Variants in C3orf22 observed in about 807,000 individuals in gnomAD.
C3orf22 encodes uncharacterized protein C3orf22.
A neutral mutation model predicts 10.8 loss-of-function variants in C3orf22; 7 were observed. The ratio of observed to expected loss-of-function variants is 0.65; its 90% CI spans 0.37 to 1.22. The LOEUF is 1.22. C3orf22 is among the 50% of genes most tolerant of loss of function. The pLI is 0.02. For missense variants in C3orf22, 173 were observed against 177.0 expected (o/e 0.98, Z 0.13); for synonymous variants, 79 against 78.9 (o/e 1.00, Z 0.00).
chr3:126,542,552 G>A, intron 4 of C3orf22: 1 of 1,514,110 alleles, frequency 6.6e-7, no homozygotes, highest in African/African-American at 1.4e-5. Context: ...CAACTACTCC[G>A]CCCCCTCCTA....
intron 4 of C3orf22, among the ~76,000 whole-genome samples, chr3:126,531,836 C>A (rs1459634907): frequency 1.3e-5 from 2 of 152,162 alleles, no homozygotes. Flanking sequence ...AGAGGAATTG[C>A]TGGGTTGCAT....
chr3:126,542,299 C>G, intron 4 of C3orf22: 1 of 1,565,924 alleles, frequency 6.4e-7, no homozygotes, highest in East Asian at 2.4e-5. Context: ...ACTGGGAGCG[C>G]GCGCACGCGC....
chr3:126,549,351 G>T (rs1244847108), downstream of C3orf22, among the ~76,000 whole-genome samples: 3 of 151,982 alleles, frequency 2.0e-5, no homozygotes, highest in Non-Finnish European at 4.4e-5. Context: ...AACAAAAATT[G>T]TAACAGACCT....
At chr3:126,541,864 G>A (rs751471294) in intron 4 of C3orf22, 1 of 1,593,178 alleles carries the variant, frequency 6.3e-7, no homozygotes, top group Non-Finnish European at 8.5e-7. Flanking sequence ...TGGACGACGC[G>A]CATGGCCTGC....
intron 4 of C3orf22, chr3:126,541,932 T>G (rs1039361311): frequency 6.3e-7 from 1 of 1,593,896 alleles, no homozygotes; most frequent in African/African-American, 1.4e-5. Context: ...CTGCTGGCGC[T>G]GAGCGGCCAA....
intron 4 of C3orf22, chr3:126,541,823 C>T (rs1936963331): frequency 6.4e-7 from 1 of 1,566,290 alleles, no homozygotes; most frequent in Non-Finnish European, 8.6e-7. Flanking sequence ...GCAGCGCCTG[C>T]TACAGCCGGA....
chr3:126,541,987 G>T lies in C3orf22; in HGVS notation c.286+7550C>A, dbSNP rs367830517. The T allele has an allele frequency of 3.0e-5, 47 of 1,563,824 alleles. No homozygotes were observed. In the African/African-American group the frequency reaches 5.3e-4, roughly 18 times the overall value. On this transcript the variant is annotated intron_variant and NMD_transcript_variant, in intron 4 of 5. Transcript: ENST00000505070. ...CCATCTCCGCGCAAGAGGCGCACGC[G>T]CCTGGCCGCCTGCCCTCACTGGCCG...
chr3:126,544,236 C>A (rs1199024807), intron 4 of C3orf22, among the ~76,000 whole-genome samples: 2 of 152,188 alleles, frequency 1.3e-5, no homozygotes, highest in Admixed American at 6.5e-5. Flanking sequence ...ACTCAGCCCC[C>A]TCACCACGTG....
rs185450185 is a variant in C3orf22, at chr3:126,529,700, G to A, written c.287-328C>T. 4.8e-3 allele frequency among the ~76,000 whole-genome samples: 736 copies of A among 152,126 alleles called. 5 individuals carry two copies. The highest frequency in any genetic ancestry group is 0.017 in the African/African-American group (712 of 41,500). ...CTTTCTCCCAGCCTCGGGCCCTGTC[G>A]TCCATCACTGTCTCCCTGTCTCTGT... On this transcript the variant is annotated intron_variant and NMD_transcript_variant, in intron 4 of 5. Transcript: ENST00000505070.
chr3:126,532,056 G>T (rs1020228874), intron 4 of C3orf22, among the ~76,000 whole-genome samples: 1 of 152,134 alleles, frequency 6.6e-6, no homozygotes, highest in African/African-American at 2.4e-5. Flanking sequence ...GCTTATTGCT[G>T]TAGGTATATC....
chr3:126,546,795 G>T (rs1299766864), downstream of C3orf22, among the ~76,000 whole-genome samples: 1 of 152,162 alleles, frequency 6.6e-6, no homozygotes, highest in African/African-American at 2.4e-5. Context: ...TTCCTTGTCT[G>T]GTTCCGTCCC....
chr3:126,551,821 G>A (rs1271128481), intron 3 of C3orf22, among the ~76,000 whole-genome samples, 176 bp downstream of exon 3: 1 of 152,254 alleles, frequency 6.6e-6, no homozygotes, highest in African/African-American at 2.4e-5. Flanking sequence ...ATGCTGCCTG[G>A]CTGTGGGAAC....
chr3:126,549,885 AC>A lies in C3orf22; in HGVS notation c.408del (p.Ser137ProfsTer27). On this transcript the variant is annotated frameshift_variant, in exon 4 of 4. Transcript: ENST00000318225. LOFTEE classifies it high-confidence loss of function. Reference sequence around the variant, plus strand: ...CCCAGTCTCTAGGAGAGGCCCCTGGACAGCCCTGCCGCCTTGCTGGTCTGGG... The same window carrying A: ...CCCAGTCTCTAGGAGAGGCCCCTGGAAGCCCTGCCGCCTTGCTGGTCTGGG... Reference protein sequence around the residue: ...ACPQTSKAAGLSRGLS With the variant: ...ACPQTSKAAGXSRGLS The A allele has an allele frequency of 6.2e-7, 1 of 1,613,336 alleles. No individual in the cohort carries two copies. The highest frequency in any genetic ancestry group is 8.5e-7 in the Non-Finnish European group (1 of 1,179,700).
At chr3:126,531,088 A>G (rs1936649241) in intron 4 of C3orf22, among the ~76,000 whole-genome samples, 1 of 152,278 alleles carries the variant, frequency 6.6e-6, no homozygotes, top group Non-Finnish European at 1.5e-5. Flanking sequence ...TATTCAGCAC[A>G]GACCATATTC....
At position 126,551,928 on chromosome 3, in the gene C3orf22, C is replaced by G. The variant is rs1937196436; in HGVS notation, c.215+69G>C. Reference sequence around the variant, plus strand: ...ATAACATGAACGTCTGCATGCAAAACTGGGGGACAGAAAGCCAGGCAGCAT... The same window carrying G: ...ATAACATGAACGTCTGCATGCAAAAGTGGGGGACAGAAAGCCAGGCAGCAT... On this transcript the variant is annotated intron_variant, in intron 3 of 3. Coordinates refer to ENST00000318225, the MANE Select transcript of C3orf22 (RefSeq NM_152533.3). The G allele has an allele frequency of 8.6e-6, 13 of 1,517,988 alleles. No homozygotes were observed. The South Asian group carries it at 1.5e-4, about 18-fold the overall frequency. 94.0% of individuals were successfully genotyped at this position (1,517,988 alleles called of 1,614,324 possible).
downstream of C3orf22, chr3:126,549,594 T>C: frequency 7.6e-7 from 1 of 1,322,662 alleles, no homozygotes; most frequent in Non-Finnish European, 1.0e-6. Flanking sequence ...CTCTTTTTAA[T>C]CCTCACACCA....
downstream of C3orf22, among the ~76,000 whole-genome samples, chr3:126,545,010 T>C (rs1480888206): frequency 6.6e-6 from 1 of 152,246 alleles, no homozygotes. Context: ...GTTTCCTCTC[T>C]GGCTGGTGCC....
At chr3:126,529,167 G>A (rs1936597175) in exon 5 of C3orf22, 2 of 547,852 alleles carry the variant, frequency 3.7e-6, no homozygotes, top group Non-Finnish European at 6.3e-6. Context: ...TGGCTGAGGT[G>A]GGTGTGCAGA....
At chr3:126,547,604 G>GCGAC (rs1937090631), downstream of C3orf22, among the ~76,000 whole-genome samples, 1 of 152,224 alleles carries the variant, frequency 6.6e-6, no homozygotes, top group South Asian at 2.1e-4. Context: ...CAGGCAGCCA[G>GCGAC]CGACCCCTCC....
Sources: gnomAD v4.1 joint callset for allele counts (sites outside exome capture counted in the v4.1 genomes callset) on GRCh38, gnomAD v4.1.1 for gene constraint, MANE v1.5 for transcripts, NCBI Gene and HGNC (gene_info 2026-07-23, HGNC 2026-07-21) for gene names.